PTGR1: variants seen among roughly 807,000 people sequenced by gnomAD.
PTGR1 encodes the protein 15-oxoprostaglandin 13-reductase.
PTGR1 carries 23 observed loss-of-function variants against 37.7 expected under a neutral mutation model. The ratio of observed to expected loss-of-function variants is 0.61; its 90% CI spans 0.44 to 0.86. PTGR1 has a LOEUF of 0.86. PTGR1 is among the 40% of genes least tolerant of loss of function. The pLI is 0.00. For missense variants in PTGR1, 351 were observed against 394.3 expected (o/e 0.89, Z 0.93); for synonymous variants, 134 against 140.0 (o/e 0.96, Z 0.30).
chr9:111,563,115 T>A lies in PTGR1; in HGVS notation c.*6A>T. The A allele has an allele frequency of 6.2e-7, 1 of 1,612,394 alleles. No individual in the cohort carries two copies. The highest frequency in any genetic ancestry group is 2.2e-5 in the East Asian group (1 of 44,838). On this transcript the variant is annotated 3_prime_UTR_variant, in exon 10 of 10. Transcript: ENST00000407693. Reference sequence around the variant, plus strand: ...AATGGCCTCCAGATTCCATGTGTCCTCTTTTTCATGCTTTCACTATTGTCT... The same window carrying A: ...AATGGCCTCCAGATTCCATGTGTCCACTTTTTCATGCTTTCACTATTGTCT...
chr9:111,563,884 G>A (rs1251559426), intron 9 of PTGR1: 1 of 152,472 alleles, frequency 6.6e-6, no homozygotes, highest in African/African-American at 2.4e-5. Flanking sequence ...AATAGACAGA[G>A]AAAAGAGCAC....
chr9:111,570,230 T>G, intron 8 of PTGR1, 21 bp from the exon 9 acceptor site: 1 of 1,606,764 alleles, frequency 6.2e-7, no homozygotes, highest in Non-Finnish European at 8.5e-7. Context: ...AAGGGCACAT[T>G]TGGGTGGCAG....
intron 6 of PTGR1, among the ~76,000 whole-genome samples, chr9:111,581,786 A>C (rs932722549): frequency 7.9e-5 from 12 of 152,152 alleles, no homozygotes; most frequent in Non-Finnish European, 1.5e-4. Flanking sequence ...GGTCCTTTGA[A>C]TTCTATATGC....
At chr9:111,597,789 G>GA (rs1829827518) in intron 1 of PTGR1, among the ~76,000 whole-genome samples, 1 of 152,174 alleles carries the variant, frequency 6.6e-6, no homozygotes, top group Non-Finnish European at 1.5e-5. Context: ...CTACGGCACT[G>GA]AACAGTTACC....
chr9:111,565,634 C>T (rs1324479158), intron 9 of PTGR1, among the ~76,000 whole-genome samples: 2 of 152,088 alleles, frequency 1.3e-5, no homozygotes. Context: ...GGTGATCCTC[C>T]CACCTCAGCC....
intron 9 of PTGR1, among the ~76,000 whole-genome samples, chr9:111,565,048 C>T (rs905386681): frequency 2.6e-5 from 4 of 151,994 alleles, no homozygotes; most frequent in Admixed American, 6.6e-5. Flanking sequence ...CACATGAACC[C>T]GGCAGGCGGA....
chr9:111,550,526 A>G (rs977811775), intron 9 of PTGR1, among the ~76,000 whole-genome samples: 2 of 152,144 alleles, frequency 1.3e-5, no homozygotes, highest in Non-Finnish European at 2.9e-5. Context: ...GTTAACTGCA[A>G]TTTACCACTC....
At chr9:111,571,395 C>T (rs1044852007) in intron 8 of PTGR1, among the ~76,000 whole-genome samples, 3 of 149,416 alleles carry the variant, frequency 2.0e-5, no homozygotes, top group South Asian at 2.2e-4. Context: ...GGTGACAGAG[C>T]GAGACTCGGT....
chr9:111,552,684 G>C (rs919043608), intron 9 of PTGR1, among the ~76,000 whole-genome samples: 2 of 152,158 alleles, frequency 1.3e-5, no homozygotes, highest in Non-Finnish European at 2.9e-5. Flanking sequence ...CTTTGAGACA[G>C]AATATACCCA....
In PTGR1 at chr9:111,570,115, C is replaced by T. The variant is rs199528019; in HGVS notation, c.855G>A (p.Lys285=). Residue 285 remains lysine (K), a synonymous_variant, in exon 9 of 10, where the codon AAG becomes AAA. Transcript: ENST00000407693. ...WQGDARQKAL[K]DLLKWVLEGK... ...CCTCTAAGACCCATTTCAGCAAGTC[C>T]TTCAGAGCTTTTTGGCGGGCATCTC... is the stretch of plus-strand genomic sequence containing the variant. 3 of 1,614,110 alleles carry T rather than the reference C, an allele frequency of 1.9e-6. No homozygotes were observed. In the Admixed American group the frequency reaches 5.0e-5, roughly 27 times the overall value.
At chr9:111,549,925 G>A in intron 9 of PTGR1, 1 of 635,942 alleles carries the variant, frequency 1.6e-6, no homozygotes. Flanking sequence ...TTGTGCCTTT[G>A]AATGGTCAAT....
chr9:111,558,542 A>C (rs1432649135), downstream of PTGR1, among the ~76,000 whole-genome samples: 1 of 152,186 alleles, frequency 6.6e-6, no homozygotes, highest in African/African-American at 2.4e-5. Context: ...TTGCAAGCTC[A>C]TCTTGTATCT....
At position 111,554,449 on chromosome 9, in the gene PTGR1, ACT is replaced by A. The variant is rs1411742880; in HGVS notation, c.880-4652_880-4651del. 7.2e-5 allele frequency among the ~76,000 whole-genome samples: 11 copies of A among 152,014 alleles called. No homozygotes were observed. The South Asian group carries it at 1.2e-3, about 17-fold the overall frequency. ...CACAGTCTGTTCTTTCGGTCACCAA[ACT>A]CTTTCTTCCCACACTTAATGCATAC... On this transcript the variant is annotated intron_variant, in intron 9 of 9. Transcript: ENST00000538962.
chr9:111,559,358 C>G (rs1228175336), downstream of PTGR1, among the ~76,000 whole-genome samples: 2 of 151,846 alleles, frequency 1.3e-5, no homozygotes, highest in Non-Finnish European at 2.9e-5. Flanking sequence ...CCAGGCAGCC[C>G]TGCGATTCCA....
intron 2 of PTGR1, among the ~76,000 whole-genome samples, chr9:111,594,851 CTT>C (rs35698448): frequency 1.9e-4 from 18 of 95,682 alleles, no homozygotes; most frequent in African/African-American, 4.7e-4. Flanking sequence ...CGACCGGCCT[CTT>C]TTTTTTTTTT....
chr9:111,582,570 C>T (rs1489680246), intron 6 of PTGR1, among the ~76,000 whole-genome samples: 1 of 152,196 alleles, frequency 6.6e-6, no homozygotes, highest in East Asian at 1.9e-4. Flanking sequence ...CTGCAAATGT[C>T]AGAATGGTTC....
rs375188976 is a variant in PTGR1 at position 111,581,417 on chromosome 9, A to G, written c.495+2055T>C. ...AGATTATAATGGCTAACTAAGTTGC[A>G]GGCAGGATTAAACAAAGACAGATAT... On this transcript the variant is annotated intron_variant, in intron 6 of 9. Transcript: ENST00000407693. Among the ~76,000 whole-genome samples, 5 of 152,210 alleles carry G rather than the reference A, an allele frequency of 3.3e-5. No individual in the cohort carries two copies. The East Asian group carries it at 9.6e-4, about 29-fold the overall frequency.
intron 7 of PTGR1, chr9:111,576,398 T>C: frequency 1.9e-6 from 3 of 1,614,138 alleles, no homozygotes; most frequent in Admixed American, 3.3e-5. Flanking sequence ...ATGCAGATGT[T>C]CTCTGAGGCT....
chr9:111,552,842 C>T (rs1211297550), intron 9 of PTGR1, among the ~76,000 whole-genome samples: 1 of 151,996 alleles, frequency 6.6e-6, no homozygotes, highest in Non-Finnish European at 1.5e-5. Flanking sequence ...TCATGTATAT[C>T]CAAGAGCAAA....
Sources: allele counts gnomAD v4.1 joint callset (sites outside exome capture counted in the v4.1 genomes callset), GRCh38; gene constraint gnomAD v4.1.1; transcripts MANE v1.5; gene names NCBI Gene and HGNC (gene_info 2026-07-23, HGNC 2026-07-21).